Variants in MINDY4 observed in about 807,000 individuals in gnomAD.
MINDY4 encodes MINDY lysine 48 deubiquitinase 4.
MINDY4 carries 68 observed loss-of-function variants against 87.0 expected under a neutral mutation model. That is an observed-to-expected ratio of 0.78 (90% CI 0.64 to 0.96). MINDY4 has a LOEUF of 0.96. MINDY4 is among the 40% of genes least tolerant of loss of function. The pLI, the probability that MINDY4 is intolerant of heterozygous loss-of-function variation, is 0.00. For missense variants in MINDY4, 919 were observed against 928.2 expected, an observed-to-expected ratio of 0.99 and a Z score of 0.13; for synonymous variants, 379 against 363.2, an observed-to-expected ratio of 1.04 and a Z score of -0.50.
chr7:30,823,795 T>C (rs1379914759), intron 5 of MINDY4, among the ~76,000 whole-genome samples: 2 of 152,210 alleles, frequency 1.3e-5, no homozygotes, highest in Non-Finnish European at 2.9e-5. Flanking sequence ...GTTTTTTGTT[T>C]TGAGCATATT....
At chr7:30,862,018 C>A (rs1789781756) in intron 13 of MINDY4, among the ~76,000 whole-genome samples, 1 of 152,252 alleles carries the variant, frequency 6.6e-6, no homozygotes, top group South Asian at 2.1e-4. Flanking sequence ...ACACCCAGCT[C>A]TCTCTGATTT....
chr7:30,850,428 A>G, intron 9 of MINDY4, 26 bp from the exon 10 acceptor site: 3 of 1,597,694 alleles, frequency 1.9e-6, no homozygotes, highest in Non-Finnish European at 2.6e-6. Flanking sequence ...ACATGGGCAT[A>G]AATGCCTTCC....
At chr7:30,783,280 A>C (rs1295669158) in intron 3 of MINDY4, among the ~76,000 whole-genome samples, 2 of 152,072 alleles carry the variant, frequency 1.3e-5, no homozygotes, top group Non-Finnish European at 2.9e-5. Context: ...GTGTTGTTAC[A>C]TCTCCTAACT....
intron 8 of MINDY4, 124 bp downstream of exon 8, chr7:30,839,440 C>A: frequency 1.7e-6 from 1 of 585,988 alleles, no homozygotes; most frequent in South Asian, 2.9e-5. Context: ...CAGCCAGCCC[C>A]ACATGTGCTG....
intron 13 of MINDY4, among the ~76,000 whole-genome samples, chr7:30,870,306 C>A (rs369492014): frequency 2.0e-5 from 3 of 152,218 alleles, no homozygotes; most frequent in Non-Finnish European, 2.9e-5. Context: ...ATCGGCCCCC[C>A]CTCAGGACCC....
chr7:30,836,286 G>T (rs1446641311), intron 6 of MINDY4, among the ~76,000 whole-genome samples: 1 of 152,214 alleles, frequency 6.6e-6, no homozygotes, highest in African/African-American at 2.4e-5. Context: ...CCCACCTTTT[G>T]TAAGAAATGT....
At chr7:30,821,060 C>T (rs1329139544) in intron 5 of MINDY4, among the ~76,000 whole-genome samples, 1 of 152,180 alleles carries the variant, frequency 6.6e-6, no homozygotes, top group East Asian at 1.9e-4. Flanking sequence ...ATCAATCCCT[C>T]TACCCCCTCA....
chr7:30,806,449 C>G (rs1787807179), intron 5 of MINDY4, among the ~76,000 whole-genome samples: 1 of 151,910 alleles, frequency 6.6e-6, no homozygotes, highest in African/African-American at 2.4e-5. Flanking sequence ...TTAGCTTCCC[C>G]CCACTCTAGC....
At chr7:30,790,975 T>C (rs1214046767) in intron 4 of MINDY4, among the ~76,000 whole-genome samples, 190 bp from the exon 5 acceptor site, 1 of 152,136 alleles carries the variant, frequency 6.6e-6, no homozygotes, top group Non-Finnish European at 1.5e-5. Context: ...TGTGCATCAC[T>C]GAAAGCCCAG....
chr7:30,803,962 A>G (rs971846800), intron 5 of MINDY4, among the ~76,000 whole-genome samples: 1 of 152,214 alleles, frequency 6.6e-6, no homozygotes, highest in South Asian at 2.1e-4. Context: ...GGGGCCTGAC[A>G]TAGAGAGAGC....
chr7:30,859,404 G>A (rs753577859), intron 13 of MINDY4, 80 bp downstream of exon 13: 130 of 1,336,668 alleles, frequency 9.7e-5, no homozygotes, highest in Admixed American at 1.9e-4. Flanking sequence ...GCCCAGGATG[G>A]TGCTTGGCAC....
At chr7:30,864,243 C>T (rs936917304) in intron 13 of MINDY4, among the ~76,000 whole-genome samples, 3 of 152,198 alleles carry the variant, frequency 2.0e-5, no homozygotes, top group Non-Finnish European at 4.4e-5. Flanking sequence ...GCAGGACCCA[C>T]GCCATGTCAC....
At chr7:30,797,698 A>C (rs1787531707) in intron 5 of MINDY4, among the ~76,000 whole-genome samples, 1 of 152,154 alleles carries the variant, frequency 6.6e-6, no homozygotes, top group Non-Finnish European at 1.5e-5. Context: ...GGTCGAGCAG[A>C]GACATGCTGT....
chr7:30,777,580 T>A (rs766468708), intron 1 of MINDY4, among the ~76,000 whole-genome samples: 4 of 152,200 alleles, frequency 2.6e-5, no homozygotes, highest in African/African-American at 4.8e-5. Context: ...TTTGTCATGT[T>A]TCCCCAGCAG....
intron 9 of MINDY4, 57 bp from the exon 10 acceptor site, chr7:30,850,397 C>T: frequency 2.0e-6 from 3 of 1,482,200 alleles, no homozygotes; most frequent in Non-Finnish European, 1.9e-6. Flanking sequence ...AGTAGAGCTG[C>T]ACCATCTCAA....
chr7:30,791,419 G>T lies in MINDY4; in HGVS notation c.918G>T (p.Pro306=). 6.2e-7 allele frequency: 1 copy of T among 1,614,118 alleles called. No individual in the cohort carries two copies. The highest frequency in any genetic ancestry group is 8.5e-7 in the Non-Finnish European group (1 of 1,180,012). Residue 306 remains proline, a synonymous_variant, in exon 5 of 18, where the codon CCG becomes CCT. Transcript: ENST00000265299. Reference sequence around the variant, plus strand: ...TGCCCCCATGGGACAGGGCCAGGCCGAGGGATCCCTCCGAGGACACCCCAG... The same window carrying T: ...TGCCCCCATGGGACAGGGCCAGGCCTAGGGATCCCTCCGAGGACACCCCAG... ...KRLPPWDRAR[P]RDPSEDTPAV...
chr7:30,806,909 C>G (rs942303500), intron 5 of MINDY4, among the ~76,000 whole-genome samples: 1 of 152,226 alleles, frequency 6.6e-6, no homozygotes, highest in African/African-American at 2.4e-5. Context: ...CTCCATGTCC[C>G]TGCTTCTGCC....
At chr7:30,775,247 C>T (rs1433898187) in intron 1 of MINDY4, among the ~76,000 whole-genome samples, 1 of 152,182 alleles carries the variant, frequency 6.6e-6, no homozygotes, top group Admixed American at 6.5e-5. Flanking sequence ...TCCCAAGTTG[C>T]CACCTGAACT....
At chr7:30,791,091 A>C (rs1218180939) in intron 4 of MINDY4, 74 bp from the exon 5 acceptor site, 1 of 1,389,838 alleles carries the variant, frequency 7.2e-7, no homozygotes, top group Middle Eastern at 1.9e-4. Context: ...TCATGGGCAA[A>C]TGCTTGAAGT....
Sources: allele counts gnomAD v4.1 joint callset (sites outside exome capture counted in the v4.1 genomes callset), GRCh38; gene constraint gnomAD v4.1.1; transcripts MANE v1.5; gene names NCBI Gene and HGNC (gene_info 2026-07-23, HGNC 2026-07-21).